The following APC variants were observed in gnomAD, a reference collection of about 807,000 sequenced individuals.
APC encodes the protein APC regulator of Wnt signaling pathway.
APC carries 72 observed loss-of-function variants against 247.0 expected under a neutral mutation model. The ratio of observed to expected loss-of-function variants is 0.29; its 90% confidence interval spans 0.24 to 0.35. The LOEUF (loss-of-function observed/expected upper bound fraction) is 0.35, where lower values mean the gene tolerates loss of function less well. Ranked by LOEUF, APC falls within the 10% of genes least tolerant of loss-of-function variation. The pLI is 1.00. For missense variants in APC, 3,400 were observed against 3,360.7 expected (o/e 1.01, Z -0.29); for synonymous variants, 1,254 against 1,162.5 (o/e 1.08, Z -1.60).
chr5:112,799,171 G>A (rs1414624841), intron 7 of APC, among the ~76,000 whole-genome samples: 14 of 124,486 alleles, frequency 1.1e-4, no homozygotes, highest in Admixed American at 1.1e-3. Flanking sequence ...GTGACAGGGC[G>A]AGACTCTGTC....
In APC at chr5:112,842,719, A is replaced by G. The variant is rs587780603; in HGVS notation, c.7125A>G (p.Gln2375=). ...SYTSPGRQMS[Q]QNLTKQTGLS... is the part of the protein sequence containing the mutation. ...CATCTCCAGGTAGACAGATGAGCCA[A>G]CAGAACCTTACCAAACAAACAGGTT... The change falls in exon 16 of 16, where the codon CAA becomes CAG. Residue 2375 remains glutamine (Q), a synonymous_variant. Coordinates refer to ENST00000257430, the MANE Select transcript of APC (RefSeq NM_000038.6). The G allele has an allele frequency of 2.0e-5, 32 of 1,613,848 alleles. No individual in the cohort carries two copies. Among genetic ancestry groups the G allele is most frequent in the Non-Finnish European group, 2.5e-5 (29 of 1,179,858 alleles).
chr5:112,834,945 T>C lies in APC; in HGVS notation c.1744-6T>C. 6.2e-7 allele frequency: 1 copy of C among 1,613,258 alleles called. No individual in the cohort carries two copies. The highest frequency in any genetic ancestry group is 1.1e-5 in the South Asian group (1 of 91,066). On this transcript the variant is annotated splice_polypyrimidine_tract_variant and splice_region_variant and intron_variant, in intron 14 of 15. Coordinates refer to ENST00000257430, the MANE Select transcript of APC (RefSeq NM_000038.6). ...ATTAGATGACCCATATTCTGTTTCT[T>C]ACTAGGAATCAACCCTCAAAAGCGT... is the stretch of plus-strand genomic sequence containing the variant.
intron 1 of APC, among the ~76,000 whole-genome samples, chr5:112,721,984 T>TTTGC (rs755706917): frequency 3.3e-5 from 5 of 152,124 alleles, no homozygotes; most frequent in Admixed American, 6.5e-5. Context: ...TGGGGACAAA[T>TTTGC]TTGCTCTAGA....
At chr5:112,770,091 T>G in intron 4 of APC, among the ~76,000 whole-genome samples, 1 of 152,186 alleles carries the variant, frequency 6.6e-6, no homozygotes, top group South Asian at 2.1e-4. Context: ...CCTGATTTTA[T>G]TAGCAGAGAG....
At chr5:112,772,368 T>C (rs1207669601) in intron 4 of APC, among the ~76,000 whole-genome samples, 1 of 152,192 alleles carries the variant, frequency 6.6e-6, no homozygotes, top group Non-Finnish European at 1.5e-5. Context: ...CTGAAGACAC[T>C]ATAACCTTGG....
At chr5:112,823,478 G>A (rs1763342484) in intron 11 of APC, 2 of 152,568 alleles carry the variant, frequency 1.3e-5, no homozygotes, top group African/African-American at 4.8e-5. Flanking sequence ...GGATTAGGGT[G>A]TGTGGATTGC....
Position 112,835,077 on chromosome 5 carries a change from A to C in APC, c.1870A>C (p.Ser624Arg), listed in dbSNP as rs1437351234. The C allele has an allele frequency of 1.9e-6, 3 of 1,614,006 alleles. No homozygotes were observed. Among genetic ancestry groups the C allele is most frequent in the Non-Finnish European group, 2.5e-6 (3 of 1,179,998 alleles). Reference sequence around the variant, plus strand: ...TTTGGTTGGCACTCTTACTTACCGGAGCCAGACAAACACTTTAGCCATTAT... The same window carrying C: ...TTTGGTTGGCACTCTTACTTACCGGCGCCAGACAAACACTTTAGCCATTAT... ...AFLVGTLTYRSQTNTLAIIES... is the reference protein window; with the variant it reads ...AFLVGTLTYRRQTNTLAIIES... Residue 624 changes from serine (S) to arginine (R), a missense_variant, in exon 15 of 16, where the codon AGC (serine) becomes CGC (arginine). By Grantham distance (110) the Ser-to-Arg change is moderately radical. Transcript: ENST00000257430.
Position 112,791,348 on chromosome 5 carries a change from ATAC to A in APC, c.646-1092_646-1090del, listed in dbSNP as rs1444673315. Among the ~76,000 whole-genome samples the A allele has an allele frequency of 4.4e-4, 67 of 152,330 alleles. 1 individual carries two copies. Among genetic ancestry groups the A allele is most frequent in the African/African-American group, 1.5e-3 (64 of 41,578 alleles). ...GTTAGGTACTTGGAAAGGCTGAAAA[ATAC>A]TACTAACTTATGACAGAAGTAACTT... is the stretch of plus-strand genomic sequence containing the variant. On this transcript the variant is annotated intron_variant, in intron 6 of 15. Transcript: ENST00000257430.
intron 11 of APC, among the ~76,000 whole-genome samples, chr5:112,824,490 T>C (rs146573855): frequency 3.3e-4 from 50 of 152,348 alleles, no homozygotes; most frequent in African/African-American, 1.2e-3. Flanking sequence ...CCTGAATCTG[T>C]TGATATCTGC....
intron 15 of APC, among the ~76,000 whole-genome samples, chr5:112,836,655 G>T (rs1764976360): frequency 6.6e-6 from 1 of 152,018 alleles, no homozygotes; most frequent in Admixed American, 6.6e-5. Context: ...TAATTTACTT[G>T]ATTTTTTAAA....
intron 6 of APC, among the ~76,000 whole-genome samples, chr5:112,785,129 C>T (rs759434412): frequency 6.6e-5 from 10 of 151,974 alleles, no homozygotes; most frequent in Non-Finnish European, 1.2e-4. Context: ...AGTAGCTTGC[C>T]GTCATCACTA....
At chr5:112,794,811 G>A (rs767667131) in intron 7 of APC, among the ~76,000 whole-genome samples, 3 of 152,052 alleles carry the variant, frequency 2.0e-5, no homozygotes, top group Non-Finnish European at 4.4e-5. Context: ...TCCCCTTCAC[G>A]TTCAGTAATT....
chr5:112,842,471 G>C lies in APC; in HGVS notation c.6877G>C (p.Gly2293Arg), dbSNP rs876660777. 2.5e-6 allele frequency: 4 copies of C among 1,613,812 alleles called. No homozygotes were observed. The highest frequency in any genetic ancestry group is 3.4e-6 in the Non-Finnish European group (4 of 1,179,946). Residue 2293 changes from glycine (G) to arginine (R), a missense_variant, in exon 16 of 16, where the codon GGT becomes CGT. By Grantham distance (125) the Gly-to-Arg change is moderately radical (BLOSUM62 -2). Around this residue, in one of 9 missense-constraint regions of APC, gnomAD observed 1,788 missense variants for 1,649.5 expected, o/e 1.08. Coordinates refer to ENST00000257430, the MANE Select transcript of APC (RefSeq NM_000038.6). ...SPVARQTSQI[G>R]GSSKAPSRSG... ...TGTTGCCAGGCAGACATCCCAAATA[G>C]GTGGGTCAAGTAAAGCACCTTCTAG...
intron 6 of APC, among the ~76,000 whole-genome samples, chr5:112,790,314 TG>T (rs869122312): frequency 1.3e-5 from 2 of 151,508 alleles, no homozygotes; most frequent in Non-Finnish European, 3.0e-5. Flanking sequence ...GGGTTTTTTT[TG>T]GGGGGTGGGG....
In APC at chr5:112,807,697, T is replaced by G. The variant is rs540721821; in HGVS notation, c.834+6314T>G. ...CACTGGTTTTTAAAACTTTTTCTTATGGAAAATTTTAAACATTTACAAAGA... is the reference window on the plus strand; with the variant it reads ...CACTGGTTTTTAAAACTTTTTCTTAGGGAAAATTTTAAACATTTACAAAGA... On this transcript the variant is annotated intron_variant, in intron 8 of 15. Transcript: ENST00000257430. 1.1e-4 allele frequency among the ~76,000 whole-genome samples: 16 copies of G among 152,340 alleles called. No individual in the cohort carries two copies. In the South Asian group the frequency reaches 3.1e-3, roughly 30 times the overall value.
rs2546117 is a variant in APC, at chr5:112,768,266, C to G, written c.422+876C>G. On this transcript the variant is annotated intron_variant, in intron 4 of 15. Transcript: ENST00000257430. ...CCATGTTGGTCAGGCTAGTCTCAAA[C>G]TCATGACCTTAGGTGATTCCCCCCT... 0.41 allele frequency among the ~76,000 whole-genome samples: 61,468 copies of G among 151,080 alleles called. 14,824 individuals are homozygous for G. Among genetic ancestry groups the G allele is most frequent in the East Asian group, 0.65 (3,357 of 5,142 alleles).
At chr5:112,826,405 C>G (rs1339669379) in intron 11 of APC, among the ~76,000 whole-genome samples, 1 of 151,208 alleles carries the variant, frequency 6.6e-6, no homozygotes, top group East Asian at 1.9e-4. Context: ...CCTTGACTTC[C>G]TATTGTTGGC....
intron 5 of APC, among the ~76,000 whole-genome samples, chr5:112,780,297 C>T (rs922931815): frequency 6.6e-6 from 1 of 152,018 alleles, no homozygotes; most frequent in Non-Finnish European, 1.5e-5. Context: ...TCCCATATTC[C>T]TCATTTGATT....
chr5:112,711,778 A>G (rs557031422), intron 1 of APC, among the ~76,000 whole-genome samples: 1 of 152,118 alleles, frequency 6.6e-6, no homozygotes. Context: ...AAGTACATAG[A>G]TAGAAGTGGC....
Sources: allele counts gnomAD v4.1 joint callset (sites outside exome capture counted in the v4.1 genomes callset), GRCh38; gene constraint gnomAD v4.1.1; regional missense constraint gnomAD v4.1.1; transcripts MANE v1.5; gene names NCBI Gene and HGNC (gene_info 2026-07-23, HGNC 2026-07-21).